The following RNF217 variants were observed in gnomAD, a reference collection of about 807,000 sequenced individuals.
RNF217 encodes the protein E3 ubiquitin-protein ligase RNF217.
In RNF217, 31 loss-of-function variants were observed where a neutral mutation model predicts 57.8. The observed-to-expected ratio is 0.54, with a 90% CI of 0.40 to 0.72. The LOEUF is 0.72. Among genes scored for constraint, RNF217 ranks in the 30% least tolerant of loss-of-function variants. The probability of loss-of-function intolerance (pLI) is 0.00; values close to 1 mark genes in which losing one functional copy is unlikely to be tolerated. For synonymous variants in RNF217, 313 were observed against 294.0 expected (o/e 1.06, Z -0.66); for missense variants, 696 against 708.3 (o/e 0.98, Z 0.20).
At chr6:124,998,606 T>G (rs1046394282) in intron 1 of RNF217, among the ~76,000 whole-genome samples, 4 of 152,190 alleles carry the variant, frequency 2.6e-5, no homozygotes, top group African/African-American at 9.7e-5. Context: ...AAGACCATCC[T>G]GGCCAACATG....
At chr6:125,033,305 T>C (rs920026589) in intron 1 of RNF217, among the ~76,000 whole-genome samples, 5 of 145,986 alleles carry the variant, frequency 3.4e-5, no homozygotes, top group Non-Finnish European at 7.5e-5. Flanking sequence ...TAACTCGTCA[T>C]TTAGCATTAG....
chr6:125,067,920 G>GA (rs201736140), intron 3 of RNF217, among the ~76,000 whole-genome samples: 3 of 152,152 alleles, frequency 2.0e-5, no homozygotes, highest in East Asian at 1.9e-4. Context: ...GGAGAAACTG[G>GA]AAAAAAGATG....
chr6:125,028,975 C>T (rs1786230797), intron 1 of RNF217, among the ~76,000 whole-genome samples: 1 of 152,042 alleles, frequency 6.6e-6, no homozygotes, highest in Non-Finnish European at 1.5e-5. Flanking sequence ...AAATATTTAC[C>T]TGGTTGACCA....
chr6:124,967,304 TA>T (rs1326639257), intron 1 of RNF217, among the ~76,000 whole-genome samples: 6 of 152,186 alleles, frequency 3.9e-5, no homozygotes, highest in Non-Finnish European at 7.4e-5. Flanking sequence ...CACATTTTCC[TA>T]GGAGGAAATA....
intron 1 of RNF217, among the ~76,000 whole-genome samples, chr6:125,013,494 C>A (rs958256779): frequency 6.6e-6 from 1 of 150,396 alleles, no homozygotes; most frequent in Non-Finnish European, 1.5e-5. Flanking sequence ...AGAGGGGGAG[C>A]TTTCCAGGGA....
chr6:125,072,705 G>A (rs766493360), intron 3 of RNF217, among the ~76,000 whole-genome samples: 35 of 152,142 alleles, frequency 2.3e-4, no homozygotes, highest in Admixed American at 7.2e-4. Flanking sequence ...AGGAAGAATG[G>A]CACAGAATGG....
At chr6:125,070,533 C>T (rs1390698142) in intron 3 of RNF217, among the ~76,000 whole-genome samples, 2 of 152,140 alleles carry the variant, frequency 1.3e-5, no homozygotes, top group Non-Finnish European at 2.9e-5. Context: ...TTAATTATGG[C>T]CATTCTTGTA....
chr6:124,966,252 C>T (rs1783535286), intron 1 of RNF217, among the ~76,000 whole-genome samples: 1 of 152,146 alleles, frequency 6.6e-6, no homozygotes, highest in Admixed American at 6.5e-5. Context: ...TCTATGGTCC[C>T]TCTACTCAAA....
intron 1 of RNF217, among the ~76,000 whole-genome samples, chr6:125,007,245 G>A (rs1785221765): frequency 8.1e-6 from 1 of 123,036 alleles, no homozygotes; most frequent in South Asian, 3.0e-4. Context: ...TTTTCACTTT[G>A]AGCATTTTTT....
intron 2 of RNF217, among the ~76,000 whole-genome samples, chr6:125,055,129 T>A (rs756877551): frequency 9.2e-5 from 14 of 152,210 alleles, no homozygotes; most frequent in Admixed American, 5.9e-4. Context: ...TCAGATGTAG[T>A]CTTTTAATAC....
intron 1 of RNF217, among the ~76,000 whole-genome samples, chr6:124,989,615 A>G (rs955984363): frequency 2.6e-5 from 3 of 117,070 alleles, no homozygotes; most frequent in African/African-American, 9.8e-5. Flanking sequence ...GTTCCAATAA[A>G]GCTTTATTTG....
At chr6:125,077,947 G>C (rs193183523) in intron 4 of RNF217, among the ~76,000 whole-genome samples, 22 of 152,236 alleles carry the variant, frequency 1.4e-4, no homozygotes, top group African/African-American at 5.3e-4. Context: ...TTTCTATCAG[G>C]TAAAAGATAG....
rs979442386 is a variant in RNF217 at position 125,085,901 on chromosome 6, A to G, written c.*2964A>G. 1 of 151,952 alleles carries G rather than the reference A, an allele frequency of 6.6e-6. No homozygotes were observed. Among genetic ancestry groups the G allele is most frequent in the African/African-American group, 2.4e-5 (1 of 41,432 alleles). 9.4% of individuals were successfully genotyped at this position (151,952 alleles called of 1,614,324 possible). On this transcript the variant is annotated 3_prime_UTR_variant, in exon 6 of 6. Transcript: ENST00000521654. ...ATTATATATTAATAGATACCTTTCCATAAGCGTTTAAATAGATTTACCTCA... is the reference window on the plus strand; with the variant it reads ...ATTATATATTAATAGATACCTTTCCGTAAGCGTTTAAATAGATTTACCTCA...
chr6:125,055,918 A>G (rs936716865), intron 2 of RNF217, among the ~76,000 whole-genome samples: 1 of 152,166 alleles, frequency 6.6e-6, no homozygotes, highest in South Asian at 2.1e-4. Flanking sequence ...GATTTATTTT[A>G]ATTGTAATGA....
At chr6:125,021,760 T>C (rs1785849522) in intron 1 of RNF217, among the ~76,000 whole-genome samples, 1 of 152,194 alleles carries the variant, frequency 6.6e-6, no homozygotes, top group Non-Finnish European at 1.5e-5. Flanking sequence ...TTATCAGCTG[T>C]ACAAACACAG....
chr6:125,051,337 C>T (rs1464588530), intron 2 of RNF217, among the ~76,000 whole-genome samples: 1 of 151,860 alleles, frequency 6.6e-6, no homozygotes. Flanking sequence ...TCTCTGATGG[C>T]CCCCGAGATC....
intron 1 of RNF217, among the ~76,000 whole-genome samples, chr6:125,007,002 T>C (rs913904427): frequency 6.6e-6 from 1 of 152,222 alleles, no homozygotes; most frequent in Admixed American, 6.5e-5. Flanking sequence ...TAGCTTTGTC[T>C]GTTTTTTATT....
intron 1 of RNF217, among the ~76,000 whole-genome samples, chr6:125,039,862 G>A (rs1786803313): frequency 2.0e-5 from 3 of 152,074 alleles, no homozygotes; most frequent in African/African-American, 4.8e-5. Flanking sequence ...GGTAAATAAC[G>A]AAATTAAGGC....
chr6:125,031,097 G>A (rs1231927004), intron 1 of RNF217, among the ~76,000 whole-genome samples: 1 of 152,238 alleles, frequency 6.6e-6, no homozygotes, highest in African/African-American at 2.4e-5. Flanking sequence ...AGCCCGAGCT[G>A]TATGTTGGCC....
Sources: gnomAD v4.1 joint callset for allele counts (sites outside exome capture counted in the v4.1 genomes callset) on GRCh38, gnomAD v4.1.1 for gene constraint, MANE v1.5 for transcripts, NCBI Gene and HGNC (gene_info 2026-07-23, HGNC 2026-07-21) for gene names.